The following PDZD2 variants were observed in gnomAD, a reference collection of about 807,000 sequenced individuals.
The protein encoded by PDZD2 is PDZ domain containing 2.
In PDZD2, 90 loss-of-function variants were observed where a neutral mutation model predicts 220.7. The observed-to-expected ratio is 0.41, with a 90% confidence interval of 0.34 to 0.49. The LOEUF is 0.49. Ranked by LOEUF, PDZD2 falls within the 20% of genes least tolerant of loss-of-function variation. The pLI, the probability that PDZD2 is intolerant of heterozygous loss-of-function variation, is 0.28. For synonymous variants in PDZD2, 1,375 were observed against 1,450.5 expected (o/e 0.95, Z 1.18); for missense variants, 3,174 against 3,608.5 (o/e 0.88, Z 3.08).
intron 12 of PDZD2, 54 bp from the exon 13 acceptor site, chr5:32,059,185 T>A: frequency 1.1e-6 from 1 of 912,076 alleles, no homozygotes; most frequent in Non-Finnish European, 1.8e-6. Context: ...ACACATTTTT[T>A]CTAGTGATTG....
At chr5:32,067,085 C>G (rs1248672113) in intron 14 of PDZD2, among the ~76,000 whole-genome samples, 1 of 152,212 alleles carries the variant, frequency 6.6e-6, no homozygotes, top group Non-Finnish European at 1.5e-5. Flanking sequence ...GCATTTCATG[C>G]CAATGGTACA....
intron 2 of PDZD2, chr5:31,936,203 A>G (rs1335159779): frequency 1.0e-6 from 1 of 987,680 alleles, no homozygotes; most frequent in Non-Finnish European, 1.2e-6. Flanking sequence ...CGCAGCTTGT[A>G]TTTTTGTTGA....
At chr5:31,962,829 T>C (rs1027567339) in intron 2 of PDZD2, among the ~76,000 whole-genome samples, 2 of 152,190 alleles carry the variant, frequency 1.3e-5, no homozygotes, top group Non-Finnish European at 2.9e-5. Context: ...AACTCCTCTG[T>C]TCAAATGCTT....
chr5:31,976,714 C>CTTTTT (rs869280921), intron 2 of PDZD2, among the ~76,000 whole-genome samples: 105 of 99,586 alleles, frequency 1.1e-3, no homozygotes, highest in Non-Finnish European at 1.4e-3. Flanking sequence ...TTTCTTCTTT[C>CTTTTT]TTTTTTTTTT....
chr5:32,003,310 A>C, intron 5 of PDZD2, among the ~76,000 whole-genome samples: 1 of 79,598 alleles, frequency 1.3e-5, no homozygotes, highest in African/African-American at 5.1e-5. Flanking sequence ...ACCACACCAC[A>C]CACACCCCAC....
intron 6 of PDZD2, among the ~76,000 whole-genome samples, chr5:32,014,070 A>G (rs943430920): frequency 6.6e-6 from 1 of 152,184 alleles, no homozygotes; most frequent in African/African-American, 2.4e-5. Context: ...TTTTTTAGTT[A>G]TATGTTCACA....
At chr5:32,079,577 T>C (rs1741708211) in intron 19 of PDZD2, among the ~76,000 whole-genome samples, 1 of 150,436 alleles carries the variant, frequency 6.6e-6, no homozygotes, top group Non-Finnish European at 1.5e-5. Context: ...GAGGCTGAGG[T>C]GGGTGGATCC....
chr5:31,656,127 A>G (rs558357688), intron 1 of PDZD2, among the ~76,000 whole-genome samples: 10 of 152,094 alleles, frequency 6.6e-5, no homozygotes, highest in African/African-American at 2.2e-4. Flanking sequence ...TCTACGTTCA[A>G]AGAGAGAGAG....
At chr5:31,801,103 C>A (rs575843195) in intron 2 of PDZD2, among the ~76,000 whole-genome samples, 1 of 152,274 alleles carries the variant, frequency 6.6e-6, no homozygotes, top group African/African-American at 2.4e-5. Flanking sequence ...GGTCAACAAG[C>A]AGTCATTGGG....
chr5:31,964,060 C>CT (rs1748493632), intron 2 of PDZD2, among the ~76,000 whole-genome samples: 1 of 152,220 alleles, frequency 6.6e-6, no homozygotes, highest in Non-Finnish European at 1.5e-5. Flanking sequence ...TCCAGAGATA[C>CT]TTTTTTTCCA....
At chr5:31,867,894 C>CGGGGGGGGGGG (rs1738376752) in intron 2 of PDZD2, among the ~76,000 whole-genome samples, 1 of 13,088 alleles carries the variant, frequency 7.6e-5, no homozygotes, top group Admixed American at 9.3e-4. Flanking sequence ...TGGGGTGGGG[C>CGGGGGGGGGGG]GGGGAGGGGC....
chr5:31,929,587 C>G (rs912649772), intron 2 of PDZD2, among the ~76,000 whole-genome samples: 2 of 152,198 alleles, frequency 1.3e-5, no homozygotes, highest in African/African-American at 4.8e-5. Flanking sequence ...CAGTGGCTCA[C>G]GCCTGTAATC....
intron 5 of PDZD2, among the ~76,000 whole-genome samples, chr5:32,009,964 G>T (rs1581267623): frequency 6.6e-6 from 1 of 151,860 alleles, no homozygotes; most frequent in Non-Finnish European, 1.5e-5. Flanking sequence ...GCTCATGCCT[G>T]TATTCCCAGC....
At chr5:31,786,402 C>T (rs902846951) in intron 1 of PDZD2, among the ~76,000 whole-genome samples, 9 of 152,306 alleles carry the variant, frequency 5.9e-5, no homozygotes, top group Admixed American at 2.6e-4. Context: ...TTCTTGAAAC[C>T]TTGGTTCTAT....
At chr5:31,891,914 C>CT (rs5867114) in intron 2 of PDZD2, among the ~76,000 whole-genome samples, 55,007 of 150,416 alleles carry the variant, frequency 0.37, 10,623 homozygotes, top group Admixed American at 0.46. Flanking sequence ...GTCATGCCTT[C>CT]TTTTTTTTTG....
At chr5:31,703,991 T>TCCTTCCTTC (rs1400148377) in intron 1 of PDZD2, among the ~76,000 whole-genome samples, 2 of 150,778 alleles carry the variant, frequency 1.3e-5, no homozygotes, top group East Asian at 2.0e-4. Context: ...TTCCTTTCTT[T>TCCTTCCTTC]CCTTCCTTCC....
intron 2 of PDZD2, among the ~76,000 whole-genome samples, chr5:31,824,050 G>C (rs912301063): frequency 6.6e-6 from 1 of 152,184 alleles, no homozygotes; most frequent in African/African-American, 2.4e-5. Flanking sequence ...TAGGGAGGGC[G>C]TCTTTCACAT....
At chr5:31,683,661 C>T (rs565733939) in intron 1 of PDZD2, among the ~76,000 whole-genome samples, 1 of 152,086 alleles carries the variant, frequency 6.6e-6, no homozygotes, top group East Asian at 1.9e-4. Context: ...TTTTTGTATC[C>T]TCTGCAAAGT....
chr5:31,865,486 T>A (rs544192005), intron 2 of PDZD2, among the ~76,000 whole-genome samples: 1 of 151,652 alleles, frequency 6.6e-6, no homozygotes, highest in Non-Finnish European at 1.5e-5. Context: ...CTCATTTTTA[T>A]TTTTTTGTAG....
Sources: gnomAD v4.1 joint callset for allele counts (sites outside exome capture counted in the v4.1 genomes callset) on GRCh38, gnomAD v4.1.1 for gene constraint, MANE v1.5 for transcripts, NCBI Gene and HGNC (gene_info 2026-07-23, HGNC 2026-07-21) for gene names.